SLC38A1: variants seen among roughly 807,000 people sequenced by gnomAD.
The protein encoded by SLC38A1 is sodium-coupled neutral amino acid symporter 1.
Under a neutral mutation model 60.3 loss-of-function variants are expected in SLC38A1, and 18 were observed. The ratio of observed to expected loss-of-function variants is 0.30; its 90% confidence interval spans 0.21 to 0.44. The LOEUF (loss-of-function observed/expected upper bound fraction) is 0.44. Ranked by LOEUF, SLC38A1 falls within the 20% of genes least tolerant of loss-of-function variation. SLC38A1 has a pLI of 1.00. For synonymous variants in SLC38A1, 196 were observed against 212.1 expected, an observed-to-expected ratio of 0.92 and a Z score of 0.66; for missense variants, 448 against 587.2, an observed-to-expected ratio of 0.76 and a Z score of 2.45.
At position 46,184,339 on chromosome 12, in the gene SLC38A1, C is replaced by T. The variant is rs913513439; in HGVS notation, c.*4631G>A. On this transcript the variant is annotated 3_prime_UTR_variant, in exon 17 of 17. Coordinates refer to ENST00000398637, the MANE Select transcript of SLC38A1 (RefSeq NM_030674.4). ...CAAACCTGCCATCCCCAAGGAAAAT[C>T]ATGTATTAGTATTGCTAAATGATGG... 6.6e-6 allele frequency: 1 copy of T among 152,092 alleles called. No individual in the cohort carries two copies. Among genetic ancestry groups the T allele is most frequent in the South Asian group, 2.1e-4 (1 of 4,822 alleles). 9.4% of individuals were successfully genotyped at this position (152,092 alleles called of 1,614,324 possible). A position where few individuals can be genotyped will look rare whatever the true frequency, so the allele number is the denominator to read the frequency against.
At position 46,239,563 on chromosome 12, in the gene SLC38A1, G is replaced by A. The variant is rs567023452; in HGVS notation, c.122+116C>T. The A allele has an allele frequency of 2.3e-4, 265 of 1,160,142 alleles. 4 individuals carry two copies. In the South Asian group the frequency reaches 3.3e-3, roughly 14 times the overall value. 71.9% of individuals were successfully genotyped at this position (1,160,142 alleles called of 1,614,324 possible). A position where few individuals can be genotyped will look rare whatever the true frequency, so the allele number is the denominator to read the frequency against. On this transcript the variant is annotated intron_variant, in intron 3 of 16. Coordinates refer to ENST00000398637, the MANE Select transcript of SLC38A1 (RefSeq NM_030674.4). ...TCACCATGTTGGTCAGGCTGGTCTC[G>A]AATTCCTGACCTCAAATGATCCACC...
intron 8 of SLC38A1, among the ~76,000 whole-genome samples, chr12:46,206,648 A>G (rs777147366): frequency 3.7e-4 from 57 of 152,168 alleles, no homozygotes; most frequent in Middle Eastern, 3.2e-3. Context: ...TTGAAAGAAA[A>G]CAGAGAAACT....
intron 1 of SLC38A1, among the ~76,000 whole-genome samples, chr12:46,248,844 A>G (rs1592144118): frequency 6.6e-6 from 1 of 152,176 alleles, no homozygotes; most frequent in South Asian, 2.1e-4. Context: ...GTGCAATCAA[A>G]TTAGAACTCA....
chr12:46,261,957 A>C (rs1367385424), intron 1 of SLC38A1, among the ~76,000 whole-genome samples: 1 of 152,188 alleles, frequency 6.6e-6, no homozygotes, highest in African/African-American at 2.4e-5. Context: ...GCTGGTAAAC[A>C]TCATACAATG....
chr12:46,249,306 T>C (rs1224775871), intron 1 of SLC38A1, among the ~76,000 whole-genome samples: 1 of 152,042 alleles, frequency 6.6e-6, no homozygotes, highest in Non-Finnish European at 1.5e-5. Flanking sequence ...AGACACATCA[T>C]ACCAGAATCT....
At chr12:46,217,019 T>A (rs1317391298) in intron 5 of SLC38A1, among the ~76,000 whole-genome samples, 1 of 152,210 alleles carries the variant, frequency 6.6e-6, no homozygotes, top group Non-Finnish European at 1.5e-5. Flanking sequence ...ATGGGTTTTG[T>A]CAAGCTCTTT....
chr12:46,234,161 C>T (rs1427977619), intron 3 of SLC38A1, among the ~76,000 whole-genome samples: 2 of 152,218 alleles, frequency 1.3e-5, no homozygotes, highest in Admixed American at 1.3e-4. Flanking sequence ...TTTATCTGTA[C>T]TACACTCTGT....
At chr12:46,238,924 T>G (rs1308887935) in intron 3 of SLC38A1, among the ~76,000 whole-genome samples, 1 of 151,976 alleles carries the variant, frequency 6.6e-6, no homozygotes, top group Non-Finnish European at 1.5e-5. Flanking sequence ...TTAAAATCCA[T>G]ACTACAAATG....
chr12:46,219,504 G>A (rs1217664115), intron 5 of SLC38A1, among the ~76,000 whole-genome samples: 1 of 152,196 alleles, frequency 6.6e-6, no homozygotes, highest in Non-Finnish European at 1.5e-5. Flanking sequence ...GTCCCTTGCT[G>A]ACCCCTGATA....
intron 5 of SLC38A1, among the ~76,000 whole-genome samples, chr12:46,209,647 T>A (rs1159809935): frequency 1.3e-5 from 2 of 152,228 alleles, no homozygotes; most frequent in Non-Finnish European, 2.9e-5. Context: ...ATGGCTATTT[T>A]AAAATCTATA....
At chr12:46,261,557 C>T (rs1229412717) in intron 1 of SLC38A1, among the ~76,000 whole-genome samples, 4 of 152,218 alleles carry the variant, frequency 2.6e-5, no homozygotes, top group East Asian at 3.8e-4. Context: ...CAAACACCAT[C>T]TTCCCATGGA....
chr12:46,207,306 A>T, intron 7 of SLC38A1, 70 bp from the exon 8 acceptor site: 1 of 1,373,626 alleles, frequency 7.3e-7, no homozygotes. Context: ...ATAAAAAGTT[A>T]TCAGCCCGTT....
At chr12:46,226,803 G>C (rs560508102) in intron 5 of SLC38A1, among the ~76,000 whole-genome samples, 1 of 152,114 alleles carries the variant, frequency 6.6e-6, no homozygotes, top group East Asian at 1.9e-4. Context: ...TTTCAGTAGA[G>C]ACGGGGTTTC....
chr12:46,235,752 T>A (rs538629164), intron 3 of SLC38A1, among the ~76,000 whole-genome samples: 1 of 152,300 alleles, frequency 6.6e-6, no homozygotes, highest in South Asian at 2.1e-4. Flanking sequence ...GGGTTCAGGG[T>A]GTAGTGACAA....
chr12:46,253,897 G>T (rs1466554668), intron 1 of SLC38A1, among the ~76,000 whole-genome samples: 1 of 152,170 alleles, frequency 6.6e-6, no homozygotes, highest in Non-Finnish European at 1.5e-5. Flanking sequence ...GTTCAGGGTA[G>T]AGACGCGCTC....
chr12:46,265,016 G>A (rs1056222182), intron 1 of SLC38A1, among the ~76,000 whole-genome samples: 2 of 152,158 alleles, frequency 1.3e-5, no homozygotes, highest in African/African-American at 2.4e-5. Flanking sequence ...GAATTTCAGA[G>A]GTAAAGGGAA....
At chr12:46,251,757 CAG>C (rs1487567294) in intron 1 of SLC38A1, among the ~76,000 whole-genome samples, 2 of 152,166 alleles carry the variant, frequency 1.3e-5, no homozygotes, top group Non-Finnish European at 2.9e-5. Flanking sequence ...CACTGGTCAT[CAG>C]AGAAATGCAA....
intron 1 of SLC38A1, among the ~76,000 whole-genome samples, chr12:46,246,227 G>A (rs529213250): frequency 1.4e-4 from 22 of 152,334 alleles, no homozygotes; most frequent in African/African-American, 5.1e-4. Flanking sequence ...GAAGTGCAAG[G>A]GGTCTGGGAA....
At chr12:46,206,194 T>G in intron 8 of SLC38A1, 32 bp from the exon 9 acceptor site, 1 of 1,434,200 alleles carries the variant, frequency 7.0e-7, no homozygotes, top group Non-Finnish European at 9.6e-7. Context: ...AGGTTATATT[T>G]TTTTAGAAAG....
Sources: gnomAD v4.1 joint callset for allele counts (sites outside exome capture counted in the v4.1 genomes callset) on GRCh38, gnomAD v4.1.1 for gene constraint, MANE v1.5 for transcripts, NCBI Gene and HGNC (gene_info 2026-07-23, HGNC 2026-07-21) for gene names.